Variants in VRK2 observed in about 807,000 individuals in gnomAD.
The protein encoded by VRK2 is VRK serine/threonine kinase 2.
Under a neutral mutation model 57.6 loss-of-function variants are expected in VRK2, and 60 were observed. That is an observed-to-expected ratio of 1.04 (90% confidence interval 0.85 to 1.29). The LOEUF is 1.29. Ranked by LOEUF, VRK2 falls within the 50% of genes most tolerant of loss-of-function variation. The probability of loss-of-function intolerance (pLI) is 0.00; values close to 1 mark genes in which losing one functional copy is unlikely to be tolerated. For synonymous variants in VRK2, 231 were observed against 199.2 expected, an observed-to-expected ratio of 1.16 and a Z score of -1.35; for missense variants, 705 against 588.1, an observed-to-expected ratio of 1.20 and a Z score of -2.06.
rs546401228 is a variant in VRK2 at position 58,035,866 on chromosome 2, T to C, written c.-6+2313T>C. Among the ~76,000 whole-genome samples, 5 of 152,010 alleles carry C rather than the reference T, an allele frequency of 3.3e-5. No homozygotes were observed. The South Asian group carries it at 8.3e-4, about 25-fold the overall frequency. On this transcript the variant is annotated intron_variant, in intron 3 of 15. Transcript: ENST00000417641. ...GGAAAATGGGGATAATATTTGGGTA[T>C]AAAATGAGATTACTATGTAAAAAAC... is the stretch of plus-strand genomic sequence containing the variant.
At chr2:57,909,003 AT>A (rs1391729820) in intron 1 of VRK2, among the ~76,000 whole-genome samples, 2 of 152,200 alleles carry the variant, frequency 1.3e-5, no homozygotes, top group Non-Finnish European at 2.9e-5. Flanking sequence ...GATATACCAA[AT>A]AAGGCAACTG....
chr2:58,116,930 G>A (rs1236544146), intron 7 of VRK2, among the ~76,000 whole-genome samples: 2 of 152,182 alleles, frequency 1.3e-5, no homozygotes, highest in East Asian at 1.9e-4. Flanking sequence ...CGGTTCAGGC[G>A]TTTGGAAGTT....
chr2:58,047,090 C>T, intron 1 of VRK2: 2 of 622,604 alleles, frequency 3.2e-6, no homozygotes, highest in South Asian at 7.1e-5. Context: ...CCCTTCTACT[C>T]ACGTTTGCCA....
Position 58,159,382 on chromosome 2 carries a change from T to C in VRK2, c.1216T>C (p.Ser406Pro). 1 of 1,610,494 alleles carries C rather than the reference T, an allele frequency of 6.2e-7. No individual in the cohort carries two copies. Among genetic ancestry groups the C allele is most frequent in the South Asian group, 1.1e-5 (1 of 90,542 alleles). The change falls in exon 13 of 13, where the codon TCT (serine) becomes CCT (proline). Residue 406 changes from serine (S) to proline (P), a missense_variant. Coordinates refer to ENST00000340157, the MANE Select transcript of VRK2 (RefSeq NM_006296.7). Reference protein sequence around the residue: ...STRRRQKYQESQEPLNEVNSF... With the variant: ...STRRRQKYQEPQEPLNEVNSF... The stretch of plus-strand genomic sequence containing the variant: ...AAGGAGAAGACAGAAATATCAAGAG[T>C]CTCAAGAACCTTTGAATGAAGTAAA...
chr2:58,153,103 G>T, intron 12 of VRK2, among the ~76,000 whole-genome samples: 1 of 151,924 alleles, frequency 6.6e-6, no homozygotes, highest in East Asian at 1.9e-4. Context: ...GGTTTATTCT[G>T]CATCACTGTA....
chr2:57,936,922 C>G (rs991412432), intron 1 of VRK2, among the ~76,000 whole-genome samples: 26 of 152,152 alleles, frequency 1.7e-4, no homozygotes, highest in African/African-American at 7.2e-5. Flanking sequence ...CTCCAGATAC[C>G]GCATCCTATT....
intron 1 of VRK2, among the ~76,000 whole-genome samples, chr2:57,943,608 C>T (rs2103961441): frequency 6.6e-6 from 1 of 152,256 alleles, no homozygotes; most frequent in South Asian, 2.1e-4. Context: ...TTAAAGTCAG[C>T]TACTTAAAGG....
intron 1 of VRK2, among the ~76,000 whole-genome samples, chr2:57,950,370 C>A (rs955978613): frequency 6.6e-6 from 1 of 152,224 alleles, no homozygotes; most frequent in East Asian, 1.9e-4. Flanking sequence ...ACTTACCATT[C>A]AGCAAATCGT....
At chr2:58,110,837 G>A (rs763113108) in intron 7 of VRK2, among the ~76,000 whole-genome samples, 7 of 152,244 alleles carry the variant, frequency 4.6e-5, no homozygotes, top group Admixed American at 6.5e-5. Context: ...GCCCACTCCC[G>A]ACATTGGGGA....
chr2:58,042,007 C>T (rs539280240), upstream of VRK2, among the ~76,000 whole-genome samples: 3 of 152,122 alleles, frequency 2.0e-5, no homozygotes, highest in Non-Finnish European at 2.9e-5. Flanking sequence ...CTAAAACATA[C>T]GAAACCAAAC....
chr2:57,912,395 G>C (rs1035931772), intron 1 of VRK2, among the ~76,000 whole-genome samples: 2 of 152,138 alleles, frequency 1.3e-5, no homozygotes, highest in Non-Finnish European at 2.9e-5. Context: ...GTTCATCAGA[G>C]GGATAAGCAA....
chr2:58,028,903 A>AATAT (rs58729342), intron 2 of VRK2, among the ~76,000 whole-genome samples: 1,563 of 53,746 alleles, frequency 0.029, 52 homozygotes, highest in East Asian at 0.058. Context: ...TAAATAAATA[A>AATAT]ATATATATAT....
chr2:58,156,689 AT>A (rs750316878), intron 12 of VRK2, among the ~76,000 whole-genome samples: 2 of 151,694 alleles, frequency 1.3e-5, no homozygotes, highest in African/African-American at 4.8e-5. Context: ...TATACCCTGT[AT>A]TTTTCAGTTC....
chr2:58,064,636 G>T (rs1668378469), intron 2 of VRK2, among the ~76,000 whole-genome samples: 1 of 151,982 alleles, frequency 6.6e-6, no homozygotes, highest in Admixed American at 6.6e-5. Flanking sequence ...TTGCATTGTT[G>T]TGGAACCGAA....
chr2:58,117,365 C>T (rs1410146856), intron 7 of VRK2, among the ~76,000 whole-genome samples: 1 of 151,958 alleles, frequency 6.6e-6, no homozygotes, highest in Non-Finnish European at 1.5e-5. Context: ...AAACTGTAAG[C>T]CGGACCAGGT....
chr2:58,042,625 TTC>T (rs1384573272), upstream of VRK2, among the ~76,000 whole-genome samples: 1 of 152,200 alleles, frequency 6.6e-6, no homozygotes, highest in Admixed American at 6.5e-5. Context: ...GGTTGGGTTT[TTC>T]TTTTTCTTTT....
intron 7 of VRK2, among the ~76,000 whole-genome samples, chr2:58,098,603 G>A (rs1033883762): frequency 6.6e-6 from 1 of 150,858 alleles, no homozygotes; most frequent in Non-Finnish European, 1.5e-5. Flanking sequence ...ATGCTGTATA[G>A]GTTTGTAGCC....
At chr2:58,055,035 A>G (rs1190590341) in intron 2 of VRK2, among the ~76,000 whole-genome samples, 1 of 152,192 alleles carries the variant, frequency 6.6e-6, no homozygotes, top group Non-Finnish European at 1.5e-5. Flanking sequence ...AAAGACATCC[A>G]TTGAAGGCCA....
At chr2:57,936,862 T>A (rs1309812814) in intron 1 of VRK2, among the ~76,000 whole-genome samples, 1 of 152,196 alleles carries the variant, frequency 6.6e-6, no homozygotes, top group African/African-American at 2.4e-5. Context: ...TGTAGTTTGG[T>A]CTTGCTAAAA....
Sources: allele counts gnomAD v4.1 joint callset (sites outside exome capture counted in the v4.1 genomes callset), GRCh38; gene constraint gnomAD v4.1.1; transcripts MANE v1.5; gene names NCBI Gene and HGNC (gene_info 2026-07-23, HGNC 2026-07-21).